CIP2A: variants seen among roughly 807,000 people sequenced by gnomAD.
CIP2A encodes the protein cellular inhibitor of PP2A, also known as protein CIP2A.
A neutral mutation model predicts 110.9 loss-of-function variants in CIP2A; 103 were observed. The ratio of observed to expected loss-of-function variants is 0.93; its 90% CI spans 0.79 to 1.09. CIP2A has a LOEUF of 1.09. Among genes scored for constraint, CIP2A ranks in the 50% least tolerant of loss-of-function variants. CIP2A has a pLI of 0.00. For missense variants in CIP2A, 1,088 were observed against 1,038.4 expected (o/e 1.05, Z -0.66); for synonymous variants, 381 against 361.6 (o/e 1.05, Z -0.61).
chr3:108,581,562 A>G lies in CIP2A; in HGVS notation c.453-51T>C, dbSNP rs529200841. ...TTAAAGAAAAAATAGTAAAAGAAAA[A>G]AAGCATTAACATTATTCTAAGTCAA... is the stretch of plus-strand genomic sequence containing the variant. On this transcript the variant is annotated intron_variant, in intron 4 of 20. Coordinates refer to ENST00000295746, the MANE Select transcript of CIP2A (RefSeq NM_020890.3). 2.2e-5 allele frequency: 24 copies of G among 1,104,732 alleles called. No homozygotes were observed. In the Admixed American group the frequency reaches 4.4e-4, roughly 20 times the overall value. The allele number at this position is 1,104,732 out of a possible 1,614,324, so 68.4% of individuals were successfully genotyped here.
At position 108,579,310 on chromosome 3, in the gene CIP2A, C is replaced by G. The variant is rs752088879; in HGVS notation, c.789G>C (p.Lys263Asn). ...TGAGATAATCAGCAATTTTAGGATT[C>G]TTAAGGAGATCCATCAGTAGGTCAA... ...YSVDLLMDLL[K>N]NPKIADYLTR... The change falls in exon 7 of 21, where the codon AAG (lysine) becomes AAC (asparagine). Residue 263 changes from lysine (K) to asparagine (N), a missense_variant. Transcript: ENST00000295746. 6.2e-7 allele frequency: 1 copy of G among 1,610,954 alleles called. No homozygotes were observed. The highest frequency in any genetic ancestry group is 1.3e-5 in the African/African-American group (1 of 74,832).
intron 9 of CIP2A, 44 bp downstream of exon 9, chr3:108,569,345 G>A: frequency 7.3e-7 from 1 of 1,370,856 alleles, no homozygotes; most frequent in Non-Finnish European, 1.0e-6. Context: ...TGTTAACTGA[G>A]AGTCACAAAA....
chr3:108,585,028 C>A, intron 2 of CIP2A, 37 bp downstream of exon 2: 1 of 1,577,086 alleles, frequency 6.3e-7, no homozygotes. Flanking sequence ...GTTCATACAT[C>A]TTCCAAAAAC....
chr3:108,567,976 T>C (rs1938242862), intron 10 of CIP2A, among the ~76,000 whole-genome samples, 179 bp downstream of exon 10: 1 of 151,980 alleles, frequency 6.6e-6, no homozygotes, highest in Non-Finnish European at 1.5e-5. Context: ...AAAAAAATCA[T>C]GGATCTTTTT....
At chr3:108,559,710 C>A in intron 16 of CIP2A, 47 bp downstream of exon 16, 1 of 1,108,028 alleles carries the variant, frequency 9.0e-7, no homozygotes, top group South Asian at 1.8e-5. Flanking sequence ...GCATGTTTTA[C>A]TTATTAATTT....
rs767069025 is a variant in CIP2A, at chr3:108,579,666, C to T, written c.572G>A (p.Arg191Gln). Residue 191 changes from arginine (R) to glutamine (Q), a missense_variant, in exon 6 of 21, where the codon CGA (arginine) becomes CAA (glutamine). Physicochemically the swap from Arg to Gln is conservative, Grantham distance 43. Transcript: ENST00000295746. ...KTLSNVKSFY[R>Q]TLITLLAHSS... Reference sequence around the variant, plus strand: ...ATGGGCCAACAAGGTGATAAGAGTTCGATAAAAAGATTTCACATTACTCTG... The same window carrying T: ...ATGGGCCAACAAGGTGATAAGAGTTTGATAAAAAGATTTCACATTACTCTG... 25 of 1,552,938 alleles carry T rather than the reference C, an allele frequency of 1.6e-5. No individual in the cohort carries two copies. The South Asian group carries it at 1.8e-4, about 11-fold the overall frequency.
chr3:108,559,710 CTTA>C (rs765197740), intron 16 of CIP2A, 44 bp downstream of exon 16: 2 of 1,108,030 alleles, frequency 1.8e-6, no homozygotes, highest in South Asian at 3.7e-5. Context: ...GCATGTTTTA[CTTA>C]TTAATTTTTC....
Position 108,551,091 on chromosome 3 carries a change from C to A in CIP2A, c.*58G>T. The A allele has an allele frequency of 1.3e-6, 1 of 746,200 alleles. No homozygotes were observed. The highest frequency in any genetic ancestry group is 2.0e-6 in the Non-Finnish European group (1 of 493,458). 46.2% of individuals were successfully genotyped at this position (746,200 alleles called of 1,614,324 possible). ...TTAACTCCCCTACCCACCCCCCCTC[C>A]AATAGATAAATACATCAAAAATATC... On this transcript the variant is annotated 3_prime_UTR_variant, in exon 21 of 21. Transcript: ENST00000295746.
chr3:108,564,097 T>C (rs1038158980), intron 12 of CIP2A, among the ~76,000 whole-genome samples: 5 of 152,042 alleles, frequency 3.3e-5, no homozygotes, highest in African/African-American at 1.2e-4. Flanking sequence ...ATTAAAATAT[T>C]GAGTACCTTG....
intron 16 of CIP2A, among the ~76,000 whole-genome samples, chr3:108,557,618 T>TA (rs1283325298): frequency 1.3e-5 from 2 of 152,064 alleles, no homozygotes; most frequent in African/African-American, 2.4e-5. Context: ...CATTATCTGA[T>TA]AAAAACAATC....
chr3:108,587,569 A>G (rs1939093708), intron 1 of CIP2A, among the ~76,000 whole-genome samples: 1 of 152,206 alleles, frequency 6.6e-6, no homozygotes, highest in African/African-American at 2.4e-5. Context: ...TGGTACCTAT[A>G]TATTAAAAAC....
chr3:108,563,093 A>G lies in CIP2A; in HGVS notation c.1634+33T>C, dbSNP rs752775066. On this transcript the variant is annotated intron_variant, in intron 13 of 20. Coordinates refer to ENST00000295746, the MANE Select transcript of CIP2A (RefSeq NM_020890.3). ...AGACATAGCAGGGTATTCCAACACC[A>G]CAAGAGATACACTGCAAATGATTAC... The G allele has an allele frequency of 4.3e-6, 6 of 1,386,402 alleles. No individual in the cohort carries two copies. The Admixed American group carries it at 8.4e-5, about 19-fold the overall frequency. The allele number at this position is 1,386,402 out of a possible 1,614,324, so 85.9% of individuals were successfully genotyped here.
chr3:108,581,616 A>C (rs1401082740), intron 4 of CIP2A, 105 bp from the exon 5 acceptor site: 1 of 661,920 alleles, frequency 1.5e-6, no homozygotes, highest in Non-Finnish European at 2.6e-6. Flanking sequence ...ATACATTTCA[A>C]TTCCCTTTTA....
At chr3:108,572,644 C>T (rs977321418) in intron 8 of CIP2A, among the ~76,000 whole-genome samples, 1 of 151,804 alleles carries the variant, frequency 6.6e-6, no homozygotes, top group Admixed American at 6.6e-5. Context: ...CTATTTGTCA[C>T]GAGAATATAA....
chr3:108,563,040 G>A, intron 13 of CIP2A, 86 bp downstream of exon 13: 1 of 738,608 alleles, frequency 1.4e-6, no homozygotes. Flanking sequence ...TCACTAATTT[G>A]CTTGTGTATC....
At chr3:108,585,333 C>A in intron 1 of CIP2A, 121 bp from the exon 2 acceptor site, 1 of 880,642 alleles carries the variant, frequency 1.1e-6, no homozygotes. Context: ...TTAAAAAATT[C>A]ACACATGCTG....
chr3:108,565,027 C>G (rs1938136425), intron 12 of CIP2A, among the ~76,000 whole-genome samples: 1 of 151,772 alleles, frequency 6.6e-6, no homozygotes, highest in African/African-American at 2.4e-5. Flanking sequence ...AACCCTAAAA[C>G]AAATATCACT....
At position 108,568,301 on chromosome 3, in the gene CIP2A, G is replaced by A; in HGVS notation, c.1127C>T (p.Ala376Val). 2 of 1,611,392 alleles carry A rather than the reference G, an allele frequency of 1.2e-6. No individual in the cohort carries two copies. The highest frequency in any genetic ancestry group is 1.7e-6 in the Non-Finnish European group (2 of 1,178,280). The part of the protein sequence containing the change: ...FKEIFEDVID[A>V]ANCSSADRFV... ...ACGATCAGCCGAGGAACAGTTAGCA[G>A]CATCTATGACATCCTGGAGAATTAT... The change falls in exon 10 of 21, where the codon GCT becomes GTT. Residue 376 changes from alanine to valine, a missense_variant. By Grantham distance (64) the Ala-to-Val change is moderately conservative. Coordinates refer to ENST00000295746, the MANE Select transcript of CIP2A (RefSeq NM_020890.3).
chr3:108,556,672 T>G (rs1320549615), intron 17 of CIP2A, among the ~76,000 whole-genome samples: 1 of 152,194 alleles, frequency 6.6e-6, no homozygotes, highest in Non-Finnish European at 1.5e-5. Context: ...TATGTGAACT[T>G]ATTCTACAGA....
Sources: allele counts gnomAD v4.1 joint callset (sites outside exome capture counted in the v4.1 genomes callset), GRCh38; gene constraint gnomAD v4.1.1; transcripts MANE v1.5; gene names NCBI Gene and HGNC (gene_info 2026-07-23, HGNC 2026-07-21).